TRIML2: variants seen among roughly 807,000 people sequenced by gnomAD.
TRIML2 encodes tripartite motif family like 2.
In TRIML2, 28 loss-of-function variants were observed where a neutral mutation model predicts 31.2. That is an observed-to-expected ratio of 0.90 (90% CI 0.66 to 1.23). The LOEUF is 1.23. Among genes scored for constraint, TRIML2 ranks in the 50% most tolerant of loss-of-function variants. The pLI is 0.00. For synonymous variants in TRIML2, 187 were observed against 197.5 expected (o/e 0.95, Z 0.45); for missense variants, 536 against 528.3 (o/e 1.01, Z -0.14).
intron 1 of TRIML2, among the ~76,000 whole-genome samples, chr4:188,107,348 A>G (rs1734083318): frequency 6.6e-6 from 1 of 152,200 alleles, no homozygotes; most frequent in Non-Finnish European, 1.5e-5. Flanking sequence ...TATAAAATGC[A>G]GTTTTAAATT....
intron 1 of TRIML2, among the ~76,000 whole-genome samples, chr4:188,108,724 C>T (rs72724970): frequency 0.37 from 56,854 of 152,000 alleles, 11,887 homozygotes; most frequent in Middle Eastern, 0.52. Flanking sequence ...TTTTGCAATT[C>T]CAGCTGCCTC....
intron 3 of TRIML2, among the ~76,000 whole-genome samples, chr4:188,102,117 G>A (rs1190665069): frequency 6.8e-6 from 1 of 146,684 alleles, no homozygotes; most frequent in African/African-American, 2.5e-5. Flanking sequence ...GCGACAGAGG[G>A]AGACTCCATC....
intron 7 of TRIML2, among the ~76,000 whole-genome samples, chr4:188,096,761 AT>A (rs1407508350): frequency 6.6e-6 from 1 of 151,508 alleles, no homozygotes; most frequent in Non-Finnish European, 1.5e-5. Flanking sequence ...GGTTCAAGCA[AT>A]TCTCCCACCT....
Position 188,098,180 on chromosome 4 carries a change from A to G in TRIML2, c.622-834T>C, listed in dbSNP as rs78054156. 441 of 405,650 alleles carry G rather than the reference A, an allele frequency of 1.1e-3. 1 individual carries two copies. Among genetic ancestry groups the G allele is most frequent in the African/African-American group, 8.4e-3 (403 of 47,824 alleles). 25.1% of individuals were successfully genotyped at this position (405,650 alleles called of 1,614,324 possible). A position where few individuals can be genotyped will look rare whatever the true frequency, so the allele number is the denominator to read the frequency against. On this transcript the variant is annotated intron_variant, in intron 5 of 7. Transcript: ENST00000682553. ...TGAAAGGCAACGTATGTTACTATAC[A>G]AAATTCAAAATATGCAATACTTACC...
rs1422153064 is a variant in TRIML2 at position 188,101,727 on chromosome 4, G to A, written c.286-477C>T. Among the ~76,000 whole-genome samples the A allele has an allele frequency of 2.0e-5, 3 of 151,778 alleles. No homozygotes were observed. The East Asian group carries it at 5.8e-4, about 30-fold the overall frequency. On this transcript the variant is annotated intron_variant, in intron 3 of 7. Transcript: ENST00000682553. ...AACAAACAAAAAAAGACGAGGAAAT[G>A]TAAAGTACAGAAGAAAAGGAATAAA...
In TRIML2 at chr4:188,101,232, T is replaced by A. The variant is rs1196706818; in HGVS notation, c.304A>T (p.Lys102Ter). 3 of 1,610,878 alleles carry A rather than the reference T, an allele frequency of 1.9e-6. No individual in the cohort carries two copies. In the African/African-American group the frequency reaches 4.0e-5, roughly 22 times the overall value. ...AMIQEEEQNFKKMIESEYSMR... is the reference protein window; with the variant it reads ...AMIQEEEQNF Reference sequence around the variant, plus strand: ...CTATACTCAGACTCAATCATCTTTTTAAAATTTTGTTCCTCTTCCTTCCTC... The same window carrying A: ...CTATACTCAGACTCAATCATCTTTTAAAAATTTTGTTCCTCTTCCTTCCTC... Residue 102 changes from lysine to a stop codon, truncating the protein, a stop_gained, in exon 4 of 8, where the codon AAA (lysine) becomes TAA (stop). Coordinates refer to ENST00000682553, the MANE Select transcript of TRIML2 (RefSeq NM_173553.4). LOFTEE classifies it high-confidence loss of function.
chr4:188,092,246 G>T (rs1733297741), intron 7 of TRIML2, among the ~76,000 whole-genome samples: 1 of 152,134 alleles, frequency 6.6e-6, no homozygotes, highest in East Asian at 1.9e-4. Context: ...TGGCTCACGA[G>T]GTCAGGAGTT....
chr4:188,096,899 C>T (rs189167513), intron 7 of TRIML2, among the ~76,000 whole-genome samples, 162 bp downstream of exon 7: 261 of 152,158 alleles, frequency 1.7e-3, no homozygotes, highest in African/African-American at 6.0e-3. Flanking sequence ...TCAAGCAAAC[C>T]GCCCGCCTTG....
intron 3 of TRIML2, among the ~76,000 whole-genome samples, chr4:188,104,318 A>G (rs1266110097): frequency 1.3e-5 from 2 of 151,994 alleles, no homozygotes; most frequent in Non-Finnish European, 2.9e-5. Flanking sequence ...CTCTTATTTG[A>G]TCGTTTTTTA....
In TRIML2 at chr4:188,105,168, A is replaced by G. The variant is rs367563033; in HGVS notation, c.189+12T>C. The G allele has an allele frequency of 1.8e-5, 28 of 1,592,450 alleles. No homozygotes were observed. In the African/African-American group the frequency reaches 3.4e-4, roughly 19 times the overall value. On this transcript the variant is annotated intron_variant, in intron 2 of 7. Transcript: ENST00000682553. ...GCCAGAGTGTTTTGGGATTTGCGTG[A>G]GTGACTCTTACCCTGTAATTCTCAG...
chr4:188,104,069 GA>G (rs1257134291), intron 3 of TRIML2, among the ~76,000 whole-genome samples: 1 of 152,272 alleles, frequency 6.6e-6, no homozygotes, highest in East Asian at 1.9e-4. Flanking sequence ...CCTCAAATCT[GA>G]ATAGCTATTC....
chr4:188,099,036 T>A lies in TRIML2; in HGVS notation c.620A>T (p.Lys207Met). ...ATTTTCTTTTTCCCAGCATCTTACC[T>A]TGAGCAATGCCAAGGTGCCTTCCCC... is the stretch of plus-strand genomic sequence containing the variant. ...KCGEGTLALLKNAKYSLERSK... is the reference protein window; with the variant it reads ...KCGEGTLALLMNAKYSLERSK... Residue 207 changes from lysine (K) to methionine (M), a missense_variant and splice_region_variant, in exon 5 of 8, where the codon AAG becomes ATG. Physicochemically the swap from Lys to Met is moderately conservative, Grantham distance 95. Coordinates refer to ENST00000682553, the MANE Select transcript of TRIML2 (RefSeq NM_173553.4). 1 of 1,614,178 alleles carries A rather than the reference T, an allele frequency of 6.2e-7. No homozygotes were observed. Among genetic ancestry groups the A allele is most frequent in the South Asian group, 1.1e-5 (1 of 91,084 alleles).
intron 1 of TRIML2, among the ~76,000 whole-genome samples, chr4:188,107,262 C>T (rs1299875689): frequency 2.6e-5 from 4 of 152,128 alleles, no homozygotes; most frequent in Admixed American, 1.3e-4. Context: ...GTTATCTGCC[C>T]GCCTCAGCCT....
chr4:188,094,735 T>A (rs1441411031), intron 7 of TRIML2, among the ~76,000 whole-genome samples: 3 of 152,176 alleles, frequency 2.0e-5, no homozygotes, highest in African/African-American at 7.2e-5. Flanking sequence ...CAATGTAATA[T>A]GAATAAAAAT....
At chr4:188,106,195 G>T (rs1443954598) in intron 1 of TRIML2, among the ~76,000 whole-genome samples, 2 of 127,414 alleles carry the variant, frequency 1.6e-5, no homozygotes, top group Admixed American at 7.4e-5. Flanking sequence ...GACTTCAGGC[G>T]CCCGCCACCT....
chr4:188,094,388 T>C (rs913390009), intron 7 of TRIML2, among the ~76,000 whole-genome samples: 2 of 152,208 alleles, frequency 1.3e-5, no homozygotes, highest in African/African-American at 4.8e-5. Context: ...GATCTATTTA[T>C]AGAAATCCAC....
At chr4:188,094,145 A>G (rs183826513) in intron 7 of TRIML2, among the ~76,000 whole-genome samples, 1 of 151,994 alleles carries the variant, frequency 6.6e-6, no homozygotes, top group Non-Finnish European at 1.5e-5. Flanking sequence ...ACAAAACAAC[A>G]ACAAAAAGCG....
At position 188,101,126 on chromosome 4, in the gene TRIML2, C is replaced by T; in HGVS notation, c.410G>A (p.Arg137Lys). The stretch of plus-strand genomic sequence containing the variant: ...GATCGCTTGATTCAGAAGGGTTTCT[C>T]TCAGGTTCAAGTCAGATATGCATTC... ...QQECISDLNL[R>K]ETLLNQAIKL... The change falls in exon 4 of 8, where the codon AGA (arginine) becomes AAA (lysine). Residue 137 changes from arginine to lysine, a missense_variant. Physicochemically the swap from Arg to Lys is conservative, Grantham distance 26 (BLOSUM62 2). Transcript: ENST00000682553. 1 of 1,613,846 alleles carries T rather than the reference C, an allele frequency of 6.2e-7. No individual in the cohort carries two copies. The highest frequency in any genetic ancestry group is 8.5e-7 in the Non-Finnish European group (1 of 1,179,926).
In TRIML2 at chr4:188,105,183, G is replaced by A. The variant is rs553463960; in HGVS notation, c.186C>T (p.Tyr62=). 1 of 1,595,974 alleles carries A rather than the reference G, an allele frequency of 6.3e-7. No homozygotes were observed. Among genetic ancestry groups the A allele is most frequent in the Non-Finnish European group, 8.6e-7 (1 of 1,164,680 alleles). Residue 62 remains tyrosine, a synonymous_variant, in exon 2 of 8, where the codon TAC becomes TAT. Transcript: ENST00000682553. The part of the protein sequence containing the change: ...VCGIQEAAEN[Y]RKLFQEILNT... The stretch of plus-strand genomic sequence containing the variant: ...GATTTGCGTGAGTGACTCTTACCCT[G>A]TAATTCTCAGCAGCCTCTTGTATCC...
Sources: allele counts gnomAD v4.1 joint callset (sites outside exome capture counted in the v4.1 genomes callset), GRCh38; gene constraint gnomAD v4.1.1; transcripts MANE v1.5; gene names NCBI Gene and HGNC (gene_info 2026-07-23, HGNC 2026-07-21).